PET117: variants seen among roughly 807,000 people sequenced by gnomAD.
The protein encoded by PET117 is protein PET117 homolog, mitochondrial.
Under a neutral mutation model 9.2 loss-of-function variants are expected in PET117, and 10 were observed. That is an observed-to-expected ratio of 1.09 (90% CI 0.67 to 1.85). PET117 has a LOEUF of 1.85. PET117 is among the 40% of genes most tolerant of loss of function. The probability of loss-of-function intolerance (pLI) is 0.00; values close to 1 mark genes in which losing one functional copy is unlikely to be tolerated. For synonymous variants in PET117, 43 were observed against 37.1 expected (o/e 1.16, Z -0.57); for missense variants, 96 against 98.2 (o/e 0.98, Z 0.09).
chr20:18,141,635 G>A (rs1280124950), intron 1 of PET117, among the ~76,000 whole-genome samples: 1 of 152,192 alleles, frequency 6.6e-6, no homozygotes, highest in Non-Finnish European at 1.5e-5. Flanking sequence ...CTGTAATCCG[G>A]CACTTTGGGA....
intron 1 of PET117, among the ~76,000 whole-genome samples, chr20:18,141,415 GATTTTTAC>G (rs1311388125): frequency 6.6e-6 from 1 of 151,910 alleles, no homozygotes; most frequent in Non-Finnish European, 1.5e-5. Context: ...AATTCTGCAT[GATTTTTAC>G]ATTGTTAACT....
Position 18,143,004 on chromosome 20 carries a change from A to G in PET117, c.*647A>G. 6.6e-7 allele frequency: 1 copy of G among 1,519,622 alleles called. No individual in the cohort carries two copies. Among genetic ancestry groups the G allele is most frequent in the Non-Finnish European group, 8.8e-7 (1 of 1,132,314 alleles). The allele number at this position is 1,519,622 out of a possible 1,614,324, so 94.1% of individuals were successfully genotyped here. A position where few individuals can be genotyped will look rare whatever the true frequency, so the allele number is the denominator to read the frequency against. On this transcript the variant is annotated 3_prime_UTR_variant, in exon 2 of 2. Transcript: ENST00000432901. ...ACCTGTGAAAGAAACGTGAATGTAA[A>G]AGAGACCTAAATAAAAGGATAATTA...
chr20:18,140,965 C>G (rs2037527281), intron 1 of PET117, among the ~76,000 whole-genome samples: 1 of 148,878 alleles, frequency 6.7e-6, no homozygotes, highest in African/African-American at 2.5e-5. Flanking sequence ...TGAGGTGATC[C>G]TATCACCTCA....
chr20:18,141,928 T>C (rs539878270), intron 1 of PET117, among the ~76,000 whole-genome samples: 2 of 152,270 alleles, frequency 1.3e-5, no homozygotes, highest in Admixed American at 1.3e-4. Context: ...GCCAGTTTTT[T>C]TTTTCTGTTA....
Position 18,142,201 on chromosome 20 carries a change from T to C in PET117, c.97-7T>C, listed in dbSNP as rs1163153483. ...ATGTTACTGAAATCTGTTTCTTACG[T>C]TTTTAGAGGCTTCGTGACGGAGTTA... is the stretch of plus-strand genomic sequence containing the variant. On this transcript the variant is annotated splice_polypyrimidine_tract_variant and splice_region_variant and intron_variant, in intron 1 of 1. Coordinates refer to ENST00000432901, the MANE Select transcript of PET117 (RefSeq NM_001164811.2). 3 of 1,536,084 alleles carry C rather than the reference T, an allele frequency of 2.0e-6. No individual in the cohort carries two copies. The highest frequency in any genetic ancestry group is 2.6e-6 in the Non-Finnish European group (3 of 1,146,276).
chr20:18,142,088 G>A, intron 1 of PET117, 120 bp from the exon 2 acceptor site: 1 of 1,002,338 alleles, frequency 1.0e-6, no homozygotes, highest in Non-Finnish European at 1.4e-6. Context: ...TAGTAACTGG[G>A]TATTTGGAAT....
chr20:18,138,273 C>A, intron 1 of PET117: 2 of 1,221,262 alleles, frequency 1.6e-6, no homozygotes, highest in South Asian at 3.5e-5. Flanking sequence ...AGATTCAGGA[C>A]GACCCGGCTG....
At position 18,137,940 on chromosome 20, in the gene PET117, G is replaced by A. The variant is rs1310045976; in HGVS notation, c.-16G>A. 6.8e-6 allele frequency: 10 copies of A among 1,479,314 alleles called. No homozygotes were observed. Among genetic ancestry groups the A allele is most frequent in the Non-Finnish European group, 8.9e-6 (10 of 1,122,966 alleles). 91.6% of individuals were successfully genotyped at this position (1,479,314 alleles called of 1,614,324 possible). The stretch of plus-strand genomic sequence containing the variant: ...CGGGCGGGCGGGAGAGAGAGGCCGC[G>A]GCCGCCAGCGTGGGGATGTCTAGGA... On this transcript the variant is annotated 5_prime_UTR_variant, in exon 1 of 2. Transcript: ENST00000432901.
Position 18,142,881 on chromosome 20 carries a change from C to G in PET117, c.*524C>G. 6.2e-7 allele frequency: 1 copy of G among 1,614,168 alleles called. No individual in the cohort carries two copies. Among genetic ancestry groups the G allele is most frequent in the Non-Finnish European group, 8.5e-7 (1 of 1,180,024 alleles). ...GTGTCTTGGATGGAGGAGCAGCTGT[C>G]CTACTTCTGTGACAAGTGCCAAAAA... On this transcript the variant is annotated 3_prime_UTR_variant, in exon 2 of 2. Coordinates refer to ENST00000432901, the MANE Select transcript of PET117 (RefSeq NM_001164811.2).
chr20:18,138,585 C>T (rs944140486), intron 1 of PET117: 1 of 423,278 alleles, frequency 2.4e-6, no homozygotes, highest in Admixed American at 6.4e-5. Context: ...CGTACTCACT[C>T]TCCATGCCTT....
Position 18,142,464 on chromosome 20 carries a change from T to C in PET117, c.*107T>C. 1 of 1,458,492 alleles carries C rather than the reference T, an allele frequency of 6.9e-7. No homozygotes were observed. The highest frequency in any genetic ancestry group is 1.4e-5 in the African/African-American group (1 of 70,410). The allele number at this position is 1,458,492 out of a possible 1,614,324, so 90.3% of individuals were successfully genotyped here. On this transcript the variant is annotated 3_prime_UTR_variant, in exon 2 of 2. Transcript: ENST00000432901. ...TCTTTTTTTTTGGTCACTGTCCTTT[T>C]AAACTTGATCAAATAAAGGACAGTG...
At chr20:18,138,108 C>G (rs543047684) in intron 1 of PET117, 57 bp downstream of exon 1, 3 of 1,419,286 alleles carry the variant, frequency 2.1e-6, no homozygotes, top group Non-Finnish European at 2.8e-6. Context: ...GACCTGGGGC[C>G]TCTCGTGGTC....
intron 1 of PET117, among the ~76,000 whole-genome samples, chr20:18,140,648 A>T (rs543442775): frequency 6.6e-6 from 1 of 151,680 alleles, no homozygotes. Context: ...CGTCTCTACT[A>T]AAAATACAAA....
rs760478110 is a variant in PET117 at position 18,138,003 on chromosome 20, G to A, written c.48G>A (p.Thr16=). 4.0e-6 allele frequency: 6 copies of A among 1,506,018 alleles called. No homozygotes were observed. The South Asian group carries it at 6.2e-5, about 16-fold the overall frequency. 93.3% of individuals were successfully genotyped at this position (1,506,018 alleles called of 1,614,324 possible). A position where few individuals can be genotyped will look rare whatever the true frequency, so the allele number is the denominator to read the frequency against. The stretch of plus-strand genomic sequence containing the variant: ...TGCTGGGCCTCTCGGTGCTGCTGAC[G>A]GCGGCCACAGTGGCCGGCGTACATG... The part of the protein sequence containing the change: ...KVVLGLSVLL[T]AATVAGVHVK... The change falls in exon 1 of 2, where the codon ACG becomes ACA. Residue 16 remains threonine, a synonymous_variant. Coordinates refer to ENST00000432901, the MANE Select transcript of PET117 (RefSeq NM_001164811.2).
intron 1 of PET117, chr20:18,138,278 C>A: frequency 8.2e-7 from 1 of 1,215,818 alleles, no homozygotes; most frequent in Non-Finnish European, 1.0e-6. Flanking sequence ...CAGGACGACC[C>A]GGCTGCCCGG....
chr20:18,139,151 G>A lies in PET117; in HGVS notation c.96+1100G>A, dbSNP rs989907893. Reference sequence around the variant, plus strand: ...ATTAGAAGAGAGGAAGCATGTGATGGTACAAGAATTTTGACGAGGGGTTGA... The same window carrying A: ...ATTAGAAGAGAGGAAGCATGTGATGATACAAGAATTTTGACGAGGGGTTGA... On this transcript the variant is annotated intron_variant, in intron 1 of 1. Transcript: ENST00000432901. Among the ~76,000 whole-genome samples the A allele has an allele frequency of 3.9e-5, 6 of 152,312 alleles. No individual in the cohort carries two copies. The East Asian group carries it at 1.2e-3, about 29-fold the overall frequency.
chr20:18,140,474 G>A (rs1383730265), intron 1 of PET117, among the ~76,000 whole-genome samples: 9 of 151,788 alleles, frequency 5.9e-5, no homozygotes, highest in Admixed American at 5.9e-4. Flanking sequence ...GCAGGCCCTG[G>A]GCCCCACTCC....
intron 1 of PET117, among the ~76,000 whole-genome samples, chr20:18,138,878 C>A (rs899125309): frequency 6.6e-6 from 1 of 152,218 alleles, no homozygotes; most frequent in Non-Finnish European, 1.5e-5. Flanking sequence ...AAACTCCACT[C>A]TTCCAGAGTC....
chr20:18,142,622 G>T lies in PET117; in HGVS notation c.*265G>T. ...GGGTCACTGTCCAGTGCTTAGGGTT[G>T]TTACTGAGAAGCACTGCCGAGCTTG... On this transcript the variant is annotated 3_prime_UTR_variant, in exon 2 of 2. Transcript: ENST00000432901. 1 of 1,612,262 alleles carries T rather than the reference G, an allele frequency of 6.2e-7. No homozygotes were observed. The highest frequency in any genetic ancestry group is 8.5e-7 in the Non-Finnish European group (1 of 1,178,760).
Sources: gnomAD v4.1 joint callset for allele counts (sites outside exome capture counted in the v4.1 genomes callset) on GRCh38, gnomAD v4.1.1 for gene constraint, MANE v1.5 for transcripts, NCBI Gene and HGNC (gene_info 2026-07-23, HGNC 2026-07-21) for gene names.